The following SIRPB2 variants were observed in gnomAD, a reference collection of about 807,000 sequenced individuals.
The protein encoded by SIRPB2 is signal regulatory protein beta 2, also known as signal-regulatory protein beta-2.
Under a neutral mutation model 27.1 loss-of-function variants are expected in SIRPB2, and 18 were observed. The observed-to-expected ratio is 0.66, with a 90% CI of 0.46 to 0.98. SIRPB2 has a LOEUF of 0.98. Ranked by LOEUF, SIRPB2 falls within the 50% of genes least tolerant of loss-of-function variation. The pLI, the probability that SIRPB2 is intolerant of heterozygous loss-of-function variation, is 0.00. For synonymous variants in SIRPB2, 150 were observed against 164.6 expected (o/e 0.91, Z 0.68); for missense variants, 420 against 417.4 (o/e 1.01, Z -0.06).
chr20:1,472,995 A>AG (rs1568639282), downstream of SIRPB2: 2 of 152,080 alleles, frequency 1.3e-5, no homozygotes, highest in African/African-American at 4.8e-5. Flanking sequence ...CTTTATCAGG[A>AG]GGCCTCTTCT....
At chr20:1,485,860 T>C (rs2090720798) in intron 1 of SIRPB2, among the ~76,000 whole-genome samples, 1 of 151,972 alleles carries the variant, frequency 6.6e-6, no homozygotes, top group African/African-American at 2.4e-5. Context: ...ATGGAAAACT[T>C]CAAGTCATAC....
chr20:1,490,954 A>G (rs2090771243), intron 1 of SIRPB2, among the ~76,000 whole-genome samples: 1 of 152,138 alleles, frequency 6.6e-6, no homozygotes, highest in East Asian at 1.9e-4. Flanking sequence ...CAGTAGCCCT[A>G]GAGAAAGGTC....
chr20:1,474,201 C>T (rs2090591281), downstream of SIRPB2, among the ~76,000 whole-genome samples: 1 of 152,198 alleles, frequency 6.6e-6, no homozygotes, highest in Admixed American at 6.5e-5. Context: ...TTTAATCACA[C>T]CTGTATAGTC....
At chr20:1,485,376 G>A (rs757372126) in intron 1 of SIRPB2, among the ~76,000 whole-genome samples, 77 of 152,138 alleles carry the variant, frequency 5.1e-4, no homozygotes, top group Non-Finnish European at 8.1e-4. Flanking sequence ...CAAATGTTAT[G>A]TATCGATTAA....
At position 1,479,693 on chromosome 20, in the gene SIRPB2, T is replaced by C. The variant is rs749414984; in HGVS notation, c.451+7A>G. 3 of 1,613,386 alleles carry C rather than the reference T, an allele frequency of 1.9e-6. No individual in the cohort carries two copies. Among genetic ancestry groups the C allele is most frequent in the Non-Finnish European group, 2.5e-6 (3 of 1,179,528 alleles). ...CAAATGTGTGGTCTGCAGGGCCTGA[T>C]CCTTACCCTTCACAAGCACTGAGGT... On this transcript the variant is annotated splice_region_variant and intron_variant, in intron 2 of 4. Coordinates refer to ENST00000359801, the MANE Select transcript of SIRPB2 (RefSeq NM_001122962.2).
At chr20:1,473,058 C>T (rs1433687149), downstream of SIRPB2, 1 of 152,440 alleles carries the variant, frequency 6.6e-6, no homozygotes, top group Non-Finnish European at 1.5e-5. Flanking sequence ...CAACTTCCTT[C>T]CCCCTCCTCC....
rs2090597973 is a variant in SIRPB2, at chr20:1,475,405, G to A, written c.*762C>T. 2 of 152,244 alleles carry A rather than the reference G, an allele frequency of 1.3e-5. No homozygotes were observed. Among genetic ancestry groups the A allele is most frequent in the Non-Finnish European group, 2.9e-5 (2 of 68,072 alleles). 9.4% of individuals were successfully genotyped at this position (152,244 alleles called of 1,614,324 possible). On this transcript the variant is annotated 3_prime_UTR_variant, in exon 5 of 5. Coordinates refer to ENST00000359801, the MANE Select transcript of SIRPB2 (RefSeq NM_001122962.2). ...GTTTCTTGCAGCTAGGTGTGACCAT[G>A]TGACCACATTCCAGCCAAGTAGAGA... is the stretch of plus-strand genomic sequence containing the variant.
At chr20:1,473,408 G>GCA (rs2090588248), downstream of SIRPB2, 2 of 160,340 alleles carry the variant, frequency 1.2e-5, no homozygotes, top group Non-Finnish European at 2.7e-5. Context: ...GCACACACAC[G>GCA]TGCACACGCA....
intron 1 of SIRPB2, among the ~76,000 whole-genome samples, chr20:1,489,629 C>T (rs185613653): frequency 3.9e-5 from 6 of 152,282 alleles, no homozygotes; most frequent in Admixed American, 3.9e-4. Context: ...TTTGCCTCTG[C>T]CTTGTCAGTG....
chr20:1,478,552 C>T lies in SIRPB2; in HGVS notation c.507G>A (p.Leu169=). The change falls in exon 3 of 5, where the codon TTG becomes TTA. Residue 169 remains leucine (L), a synonymous_variant. Transcript: ENST00000359801. ...GAAAGACAGTGTCTCCAGTGGTCCC[C>T]AACACCAATTCCTGGGGCTGGATGA... The part of the protein sequence containing the change: ...LWIIQPQELV[L]GTTGDTVFLN... 6.2e-7 allele frequency: 1 copy of T among 1,609,906 alleles called. No homozygotes were observed. Among genetic ancestry groups the T allele is most frequent in the East Asian group, 2.2e-5 (1 of 44,764 alleles).
chr20:1,472,392 A>G (rs1459024971), downstream of SIRPB2, among the ~76,000 whole-genome samples: 1 of 152,096 alleles, frequency 6.6e-6, no homozygotes, highest in African/African-American at 2.4e-5. Flanking sequence ...CCTGGATCCA[A>G]GCAGGGCCAA....
chr20:1,489,410 C>T (rs1481277552), intron 1 of SIRPB2, among the ~76,000 whole-genome samples: 1 of 152,156 alleles, frequency 6.6e-6, no homozygotes, highest in African/African-American at 2.4e-5. Flanking sequence ...ATGAAGCCTG[C>T]GTGTGTGAGG....
intron 1 of SIRPB2, among the ~76,000 whole-genome samples, chr20:1,485,533 T>G (rs2090716458): frequency 6.6e-6 from 1 of 151,944 alleles, no homozygotes; most frequent in African/African-American, 2.4e-5. Flanking sequence ...ATTACCCACT[T>G]TCCACCTTAA....
chr20:1,488,036 G>T (rs939263135), intron 1 of SIRPB2, among the ~76,000 whole-genome samples: 2 of 152,158 alleles, frequency 1.3e-5, no homozygotes, highest in African/African-American at 2.4e-5. Context: ...GTTAGGCAAA[G>T]ATTTCTTAGA....
chr20:1,485,521 A>T (rs1281118299), intron 1 of SIRPB2, among the ~76,000 whole-genome samples: 2 of 152,172 alleles, frequency 1.3e-5, no homozygotes. Context: ...GGACTCAAAT[A>T]AATTACCCAC....
chr20:1,489,977 A>G (rs2090763014), intron 1 of SIRPB2, among the ~76,000 whole-genome samples: 1 of 152,202 alleles, frequency 6.6e-6, no homozygotes, highest in Non-Finnish European at 1.5e-5. Context: ...GGCACACCCA[A>G]GAACCAGCCC....
chr20:1,488,471 T>A (rs892665898), intron 1 of SIRPB2, among the ~76,000 whole-genome samples: 3 of 151,980 alleles, frequency 2.0e-5, no homozygotes, highest in Admixed American at 2.0e-4. Flanking sequence ...ACAAAAAAAC[T>A]AACCAACCAA....
chr20:1,478,195 G>T, intron 3 of SIRPB2, 71 bp downstream of exon 3: 1 of 1,413,054 alleles, frequency 7.1e-7, no homozygotes. Flanking sequence ...TGGCTTGTTC[G>T]GGACATGTAG....
intron 1 of SIRPB2, among the ~76,000 whole-genome samples, chr20:1,490,332 G>C (rs2090766014): frequency 6.6e-6 from 1 of 152,156 alleles, no homozygotes. Flanking sequence ...CCACCCCGGA[G>C]GACCAAAGAT....
Sources: allele counts gnomAD v4.1 joint callset (sites outside exome capture counted in the v4.1 genomes callset), GRCh38; gene constraint gnomAD v4.1.1; transcripts MANE v1.5; gene names NCBI Gene and HGNC (gene_info 2026-07-23, HGNC 2026-07-21).